TTC23: variants seen among roughly 807,000 people sequenced by gnomAD.
TTC23 encodes the protein tetratricopeptide repeat protein 23.
Under a neutral mutation model 55.1 loss-of-function variants are expected in TTC23, and 58 were observed. That is an observed-to-expected ratio of 1.05 (90% CI 0.85 to 1.31). TTC23 has a LOEUF of 1.31. Ranked by LOEUF, TTC23 falls within the 50% of genes most tolerant of loss-of-function variation. TTC23 has a pLI of 0.00. For missense variants in TTC23, 516 were observed against 534.4 expected (o/e 0.97, Z 0.34); for synonymous variants, 203 against 199.9 (o/e 1.02, Z -0.13).
In TTC23 at chr15:99,138,027, C is replaced by T. The variant is rs370645537; in HGVS notation, c.1327G>A (p.Gly443Ser). 1.3e-5 allele frequency: 21 copies of T among 1,614,040 alleles called. No homozygotes were observed. The highest frequency in any genetic ancestry group is 4.4e-5 in the South Asian group (4 of 91,080). Residue 443 changes from glycine (G) to serine (S), a missense_variant, in exon 14 of 14, where the codon GGC becomes AGC. Physicochemically the swap from Gly to Ser is moderately conservative, Grantham distance 56. Transcript: ENST00000394132. ...TGGGGGCCTCAGTCTGCTGTTGTGC[C>T]GGGCCGGGCCTTCCCCAGCAGGGTG... Reference protein sequence around the residue: ...QDTLLGKARPGTTAD With the variant: ...QDTLLGKARPSTTAD
chr15:99,234,877 C>T (rs1284574484), intron 4 of TTC23, 111 bp downstream of exon 4: 5 of 151,882 alleles, frequency 3.3e-5, no homozygotes, highest in Non-Finnish European at 5.9e-5. Flanking sequence ...AACTGGAACT[C>T]TCATACACTG....
At chr15:99,200,370 G>A (rs2151994047) in intron 8 of TTC23, among the ~76,000 whole-genome samples, 1 of 152,310 alleles carries the variant, frequency 6.6e-6, no homozygotes, top group East Asian at 1.9e-4. Context: ...AAGGATAACA[G>A]TGCCCACACT....
intron 12 of TTC23, among the ~76,000 whole-genome samples, chr15:99,154,507 T>C (rs1366681379): frequency 2.6e-5 from 4 of 152,206 alleles, no homozygotes; most frequent in African/African-American, 9.6e-5. Flanking sequence ...TCCTTTTCTC[T>C]CTCTCATTTC....
intron 1 of TTC23, among the ~76,000 whole-genome samples, chr15:99,247,846 T>TTTCTAAATTTTCTA (rs1355356514): frequency 4.0e-5 from 6 of 151,614 alleles, no homozygotes; most frequent in African/African-American, 1.2e-4. Flanking sequence ...TTTCTAAAAT[T>TTTCTAAATTTTCTA]GGAATGTGGT....
chr15:99,197,618 G>A (rs2075853217), intron 9 of TTC23, among the ~76,000 whole-genome samples: 1 of 152,050 alleles, frequency 6.6e-6, no homozygotes, highest in Non-Finnish European at 1.5e-5. Context: ...TCAAAAAAGG[G>A]AGGGAGGCCA....
At chr15:99,149,594 G>A (rs1243909664) in intron 12 of TTC23, among the ~76,000 whole-genome samples, 1 of 152,236 alleles carries the variant, frequency 6.6e-6, no homozygotes, top group Non-Finnish European at 1.5e-5. Context: ...GGTTCAGAAG[G>A]TGACCCTGAT....
intron 11 of TTC23, chr15:99,160,345 T>A (rs534127095): frequency 6.6e-6 from 1 of 151,886 alleles, no homozygotes; most frequent in Non-Finnish European, 1.5e-5. Context: ...AAAAAATACA[T>A]AGTCAGCCCT....
At chr15:99,229,997 T>C (rs2078803520) in intron 4 of TTC23, among the ~76,000 whole-genome samples, 1 of 152,130 alleles carries the variant, frequency 6.6e-6, no homozygotes, top group Non-Finnish European at 1.5e-5. Flanking sequence ...AACCAACACC[T>C]AACGAGGTAA....
intron 12 of TTC23, among the ~76,000 whole-genome samples, chr15:99,154,470 T>C (rs1555498330): frequency 6.6e-6 from 1 of 152,058 alleles, no homozygotes. Flanking sequence ...TTGGGAGTGG[T>C]TTGGTTATGA....
rs1333570088 is a variant in TTC23, at chr15:99,137,166, A to T, written c.*844T>A. 1 of 152,378 alleles carries T rather than the reference A, an allele frequency of 6.6e-6. No homozygotes were observed. The highest frequency in any genetic ancestry group is 6.5e-5 in the Admixed American group (1 of 15,294). 9.4% of individuals were successfully genotyped at this position (152,378 alleles called of 1,614,324 possible). On this transcript the variant is annotated 3_prime_UTR_variant, in exon 14 of 14. Transcript: ENST00000394132. The stretch of plus-strand genomic sequence containing the variant: ...CTGGATCTCCTCGTTGACATCGTGG[A>T]GGAAGGCACTCAAAGCTTCCTGTTC...
intron 9 of TTC23, among the ~76,000 whole-genome samples, chr15:99,180,246 T>C (rs1267073914): frequency 6.6e-6 from 1 of 152,062 alleles, no homozygotes; most frequent in Non-Finnish European, 1.5e-5. Context: ...TGAGGAGGAA[T>C]GTTTAATATC....
At chr15:99,203,696 TTTTC>T (rs1037209346) in intron 8 of TTC23, among the ~76,000 whole-genome samples, 4 of 152,058 alleles carry the variant, frequency 2.6e-5, no homozygotes, top group Admixed American at 2.0e-4. Context: ...TTTTTCTTTT[TTTTC>T]TTTCTTTTTT....
At position 99,139,245 on chromosome 15, in the gene TTC23, GA is replaced by G. The variant is rs782064909; in HGVS notation, c.1226+71del. 239 of 1,568,424 alleles carry G rather than the reference GA, an allele frequency of 1.5e-4. 3 individuals carry two copies. Among genetic ancestry groups the G allele is most frequent in the Non-Finnish European group, 1.8e-4 (213 of 1,159,494 alleles). ...AGAGAAGGTTACACAGAACCTTCTA[GA>G]ACCAGCTTTCTCTTGAGATTCTGAA... On this transcript the variant is annotated intron_variant, in intron 13 of 13. Coordinates refer to ENST00000394132, the MANE Select transcript of TTC23 (RefSeq NM_001288615.3).
upstream of TTC23, chr15:99,249,843 T>A (rs189977213): frequency 3.0e-4 from 46 of 152,288 alleles, no homozygotes; most frequent in African/African-American, 1.1e-3. Flanking sequence ...CTACAAATTG[T>A]GAGAACTTCA....
intron 13 of TTC23, 74 bp from the exon 14 acceptor site, chr15:99,138,201 G>T (rs1047888199): frequency 9.5e-6 from 15 of 1,577,462 alleles, no homozygotes; most frequent in African/African-American, 1.3e-5. Flanking sequence ...AGCCTTTGCT[G>T]CCCAGCAGGT....
intron 10 of TTC23, among the ~76,000 whole-genome samples, chr15:99,173,369 T>A (rs1012513315): frequency 1.3e-5 from 2 of 152,106 alleles, no homozygotes; most frequent in African/African-American, 4.8e-5. Context: ...GATGGGAGGG[T>A]AGCCTAGGGC....
chr15:99,190,257 G>GT (rs71149449), intron 9 of TTC23, among the ~76,000 whole-genome samples: 30,727 of 140,172 alleles, frequency 0.22, 3,460 homozygotes, highest in East Asian at 0.33. Context: ...AAATATCCTT[G>GT]TTTTTTTTTT....
intron 10 of TTC23, among the ~76,000 whole-genome samples, chr15:99,171,710 G>A (rs564282884): frequency 6.6e-5 from 10 of 151,376 alleles, no homozygotes; most frequent in Non-Finnish European, 8.8e-5. Context: ...CTACAGGTGC[G>A]CAACACAACA....
intron 10 of TTC23, among the ~76,000 whole-genome samples, chr15:99,170,840 T>C (rs1467280377): frequency 6.6e-6 from 1 of 152,202 alleles, no homozygotes; most frequent in Non-Finnish European, 1.5e-5. Context: ...GCCTGTTGCA[T>C]TTCTGCTTCT....
Sources: allele counts gnomAD v4.1 joint callset (sites outside exome capture counted in the v4.1 genomes callset), GRCh38; gene constraint gnomAD v4.1.1; transcripts MANE v1.5; gene names NCBI Gene and HGNC (gene_info 2026-07-23, HGNC 2026-07-21).